PTPRQ: variants seen among roughly 807,000 people sequenced by gnomAD.
The protein encoded by PTPRQ is phosphatidylinositol phosphatase PTPRQ.
A neutral mutation model predicts 246.0 loss-of-function variants in PTPRQ; 199 were observed. The ratio of observed to expected loss-of-function variants is 0.81; its 90% CI spans 0.72 to 0.91. PTPRQ has a LOEUF of 0.91. Among genes scored for constraint, PTPRQ ranks in the 40% least tolerant of loss-of-function variants. PTPRQ has a pLI of 0.00. For missense variants in PTPRQ, 2,624 were observed against 2,528.4 expected (o/e 1.04, Z -0.81); for synonymous variants, 869 against 853.2 (o/e 1.02, Z -0.32).
At chr12:80,534,801 T>A in intron 18 of PTPRQ, 91 bp from the exon 19 acceptor site, 2 of 1,421,892 alleles carry the variant, frequency 1.4e-6, no homozygotes, top group Non-Finnish European at 1.9e-6. Context: ...TTTTATCACT[T>A]TAATTTATAA....
chr12:80,490,462 A>G (rs553850678), intron 9 of PTPRQ, among the ~76,000 whole-genome samples: 3 of 152,132 alleles, frequency 2.0e-5, no homozygotes, highest in South Asian at 4.1e-4. Flanking sequence ...ATTCTTTCAC[A>G]TAAATTCCAA....
At chr12:80,493,511 C>T in intron 10 of PTPRQ, 56 bp downstream of exon 10, 1 of 1,487,248 alleles carries the variant, frequency 6.7e-7, no homozygotes, top group Non-Finnish European at 9.0e-7. Flanking sequence ...TGCTAGCTAG[C>T]ACAGAAATGA....
chr12:80,506,713 A>G, intron 16 of PTPRQ, 43 bp downstream of exon 16: 1 of 1,503,252 alleles, frequency 6.7e-7, no homozygotes, highest in Non-Finnish European at 9.0e-7. Flanking sequence ...ATTCTATAAC[A>G]TTCCAAGAAA....
intron 35 of PTPRQ, among the ~76,000 whole-genome samples, chr12:80,642,919 T>TAAAAAAAAAA (rs902888826): frequency 2.6e-5 from 2 of 77,246 alleles, no homozygotes; most frequent in East Asian, 8.4e-4. Flanking sequence ...GACTCCGTCT[T>TAAAAAAAAAA]AAAAAAAAAA....
rs74108880 is a variant in PTPRQ at position 80,514,227 on chromosome 12, C to G, written c.2678+3784C>G. 6.7e-3 allele frequency among the ~76,000 whole-genome samples: 1,017 copies of G among 152,064 alleles called. 11 individuals carry two copies. Among genetic ancestry groups the G allele is most frequent in the African/African-American group, 0.023 (962 of 41,470 alleles). On this transcript the variant is annotated intron_variant, in intron 17 of 44. Transcript: ENST00000644991. ...TGGAAATTTCCTTCTTCCGTATACT[C>G]TTTCCTTTCTACACCTCAAGGGTCT...
At chr12:80,552,641 A>G (rs1896509969) in intron 25 of PTPRQ, among the ~76,000 whole-genome samples, 1 of 87,326 alleles carries the variant, frequency 1.1e-5, no homozygotes, top group African/African-American at 4.1e-5. Flanking sequence ...GTAAAAAAAA[A>G]AAATTATATA....
chr12:80,460,357 T>C (rs1238184092), intron 5 of PTPRQ, among the ~76,000 whole-genome samples: 2 of 152,220 alleles, frequency 1.3e-5, no homozygotes, highest in Non-Finnish European at 2.9e-5. Flanking sequence ...CTTGCACTGT[T>C]AACATGAAGC....
intron 17 of PTPRQ, among the ~76,000 whole-genome samples, chr12:80,523,622 A>G (rs2120765889): frequency 6.6e-6 from 1 of 152,248 alleles, no homozygotes; most frequent in African/African-American, 2.4e-5. Context: ...TTCATTATGT[A>G]CCCAGTAGTC....
chr12:80,478,026 C>A (rs1456019034), intron 8 of PTPRQ, among the ~76,000 whole-genome samples: 2 of 152,258 alleles, frequency 1.3e-5, no homozygotes, highest in Non-Finnish European at 2.9e-5. Context: ...GTGGAGCCCA[C>A]AACAGCTCAA....
At chr12:80,511,496 A>G (rs1895127595) in intron 17 of PTPRQ, among the ~76,000 whole-genome samples, 1 of 152,164 alleles carries the variant, frequency 6.6e-6, no homozygotes, top group Non-Finnish European at 1.5e-5. Flanking sequence ...GAAGACTCAC[A>G]TAAGACCGTT....
chr12:80,454,414 GA>G lies in PTPRQ; in HGVS notation c.391-3159del. On this transcript the variant is annotated intron_variant, in intron 3 of 44. Transcript: ENST00000644991. ...ACTGTCTGGCACTCCCTAGTGAGAT[GA>G]ACCCGGTACCTCAGATGGAAATGCA... 2 of 369,190 alleles carry G rather than the reference GA, an allele frequency of 5.4e-6. 1 individual carries two copies. The highest frequency in any genetic ancestry group is 9.1e-6 in the Non-Finnish European group (2 of 219,916). 22.9% of individuals were successfully genotyped at this position (369,190 alleles called of 1,614,324 possible).
Position 80,506,035 on chromosome 12 carries a change from G to A in PTPRQ, c.2284G>A (p.Ala762Thr). The change falls in exon 15 of 45, where the codon GCA becomes ACA. Residue 762 changes from alanine to threonine, a missense_variant. Coordinates refer to ENST00000644991, the MANE Select transcript of PTPRQ (RefSeq NM_001145026.2). ...TTTGTTTCTTTCAGTGCCTGATAGT[G>A]CACCAGAAAATATCACTTACAAAAA... is the stretch of plus-strand genomic sequence containing the variant. ...VRTSETVPDS[A>T]PENITYKNIS... The A allele has an allele frequency of 6.5e-7, 1 of 1,544,988 alleles. No homozygotes were observed. Among genetic ancestry groups the A allele is most frequent in the Non-Finnish European group, 8.7e-7 (1 of 1,144,304 alleles).
rs1565744672 is a variant in PTPRQ, at chr12:80,495,225, ATAT to A, written c.1739_1741del (p.Ile580del). The A allele has an allele frequency of 1.3e-6, 2 of 1,538,846 alleles. No homozygotes were observed. The highest frequency in any genetic ancestry group is 1.8e-6 in the Non-Finnish European group (2 of 1,142,840). On this transcript the variant is annotated inframe_deletion, in exon 12 of 45. Transcript: ENST00000644991. ...TCCATTAAAATTATAAACTATAAAAATATTAGTTCTTCATCTATTTTGTTATAT... is the reference window on the plus strand; with the variant it reads ...TCCATTAAAATTATAAACTATAAAAATAGTTCTTCATCTATTTTGTTATAT...
intron 17 of PTPRQ, among the ~76,000 whole-genome samples, chr12:80,511,421 C>T (rs1388733285): frequency 6.6e-6 from 1 of 152,048 alleles, no homozygotes; most frequent in African/African-American, 2.4e-5. Flanking sequence ...TTTTCATTAC[C>T]CTATTTATTT....
chr12:80,452,878 C>A (rs188248385), intron 3 of PTPRQ, among the ~76,000 whole-genome samples: 58 of 152,136 alleles, frequency 3.8e-4, no homozygotes, highest in Non-Finnish European at 6.6e-4. Context: ...ATCTTTGTAG[C>A]GTTCTCTGTA....
At chr12:80,659,757 A>G (rs1480135053) in intron 39 of PTPRQ, among the ~76,000 whole-genome samples, 1 of 152,060 alleles carries the variant, frequency 6.6e-6, no homozygotes, top group Non-Finnish European at 1.5e-5. Flanking sequence ...TAATCAAGTG[A>G]TGTTGTAATA....
intron 27 of PTPRQ, among the ~76,000 whole-genome samples, chr12:80,606,182 C>G (rs184258847): frequency 6.6e-6 from 1 of 151,070 alleles, no homozygotes; most frequent in Admixed American, 6.6e-5. Context: ...TGTGGCAGTC[C>G]TCCAGGTCAA....
At chr12:80,568,675 T>C (rs1897050522) in intron 25 of PTPRQ, among the ~76,000 whole-genome samples, 1 of 152,220 alleles carries the variant, frequency 6.6e-6, no homozygotes, top group Admixed American at 6.5e-5. Flanking sequence ...TCTGCTACCA[T>C]CTTTGTTAGC....
At chr12:80,581,681 C>T (rs78100274) in intron 25 of PTPRQ, among the ~76,000 whole-genome samples, 2,723 of 151,382 alleles carry the variant, frequency 0.018, 89 homozygotes, top group African/African-American at 0.062. Flanking sequence ...CGATCATCAG[C>T]AAAATAAAAA....
Sources: gnomAD v4.1 joint callset for allele counts (sites outside exome capture counted in the v4.1 genomes callset) on GRCh38, gnomAD v4.1.1 for gene constraint, MANE v1.5 for transcripts, NCBI Gene and HGNC (gene_info 2026-07-23, HGNC 2026-07-21) for gene names.